JPH3: variants seen among roughly 807,000 people sequenced by gnomAD.
The protein encoded by JPH3 is junctophilin-3.
In JPH3, 11 loss-of-function variants were observed where a neutral mutation model predicts 59.6. The ratio of observed to expected loss-of-function variants is 0.18; its 90% CI spans 0.12 to 0.31. JPH3 has a LOEUF of 0.31. Ranked by LOEUF, JPH3 falls within the 10% of genes least tolerant of loss-of-function variation. The pLI, the probability that JPH3 is intolerant of heterozygous loss-of-function variation, is 1.00. For missense variants in JPH3, 1,202 were observed against 1,105.7 expected, an observed-to-expected ratio of 1.09 and a Z score of -1.24; for synonymous variants, 673 against 483.6, an observed-to-expected ratio of 1.39 and a Z score of -5.14.
At chr16:87,657,756 A>T (rs1450165624) in intron 2 of JPH3, among the ~76,000 whole-genome samples, 1 of 151,574 alleles carries the variant, frequency 6.6e-6, no homozygotes, top group South Asian at 2.1e-4. Flanking sequence ...TCCTTTAAGG[A>T]TGCAACCTGG....
intron 4 of JPH3, chr16:87,695,176 C>T (rs1042723705): frequency 1.3e-5 from 5 of 374,642 alleles, no homozygotes; most frequent in East Asian, 7.3e-5. Context: ...GGGGGAGGCC[C>T]GTTGTTCGGG....
rs115597240 is a variant in JPH3 at position 87,609,689 on chromosome 16, G to A, written c.382+6161G>A. ...GGTCATAGGTGCACAGCCGAAGGCA[G>A]GCAGAGGAATGATTTGTCTGTACCA... On this transcript the variant is annotated intron_variant, in intron 1 of 4. Coordinates refer to ENST00000284262, the MANE Select transcript of JPH3 (RefSeq NM_020655.4). Among the ~76,000 whole-genome samples the A allele has an allele frequency of 4.0e-3, 611 of 152,296 alleles. 1 individual carries two copies. The highest frequency in any genetic ancestry group is 0.014 in the African/African-American group (584 of 41,560).
intron 1 of JPH3, among the ~76,000 whole-genome samples, chr16:87,622,726 C>T (rs1201789541): frequency 7.1e-6 from 1 of 141,376 alleles, no homozygotes; most frequent in African/African-American, 2.6e-5. Context: ...GGGTCTCCTC[C>T]TGATAAATCA....
At chr16:87,612,814 T>G (rs2030779261) in intron 1 of JPH3, among the ~76,000 whole-genome samples, 1 of 151,932 alleles carries the variant, frequency 6.6e-6, no homozygotes, top group African/African-American at 2.4e-5. Flanking sequence ...GTCAGGAGAT[T>G]GAGACCATCC....
At chr16:87,646,591 T>C (rs766797086) in intron 2 of JPH3, among the ~76,000 whole-genome samples, 5 of 152,374 alleles carry the variant, frequency 3.3e-5, no homozygotes, top group African/African-American at 9.6e-5. Context: ...TCTGGTCTGA[T>C]GGATCGGCCG....
chr16:87,678,817 C>T (rs1374456811), intron 2 of JPH3, among the ~76,000 whole-genome samples: 3 of 152,142 alleles, frequency 2.0e-5, no homozygotes, highest in African/African-American at 4.8e-5. Context: ...GGGCAGAGGC[C>T]GAGAGGCGGG....
chr16:87,661,172 C>T (rs1315284637), intron 2 of JPH3, among the ~76,000 whole-genome samples: 1 of 152,204 alleles, frequency 6.6e-6, no homozygotes, highest in Middle Eastern at 3.2e-3. Context: ...ACCTTCAGAG[C>T]CAGCGGGGCA....
At chr16:87,674,253 G>C (rs960222047) in intron 2 of JPH3, among the ~76,000 whole-genome samples, 9 of 152,098 alleles carry the variant, frequency 5.9e-5, no homozygotes, top group African/African-American at 2.2e-4. Context: ...AGAATGGCGT[G>C]AACCCGGGAG....
intron 1 of JPH3, among the ~76,000 whole-genome samples, chr16:87,639,476 C>A (rs1010897701): frequency 6.6e-6 from 1 of 152,216 alleles, no homozygotes; most frequent in Admixed American, 6.5e-5. Flanking sequence ...GTCATCTTCA[C>A]GTGTGCCGTT....
At chr16:87,615,998 G>A (rs1030141517) in intron 1 of JPH3, among the ~76,000 whole-genome samples, 4 of 152,154 alleles carry the variant, frequency 2.6e-5, no homozygotes, top group Non-Finnish European at 4.4e-5. Flanking sequence ...GGAGGGAGAC[G>A]GTGCGTGCAG....
At chr16:87,636,724 C>T (rs936760502) in intron 1 of JPH3, among the ~76,000 whole-genome samples, 6 of 152,238 alleles carry the variant, frequency 3.9e-5, no homozygotes, top group African/African-American at 9.6e-5. Flanking sequence ...AATCCAACAC[C>T]GTGCAGTTGC....
chr16:87,660,236 A>G (rs2032658111), intron 2 of JPH3, among the ~76,000 whole-genome samples: 1 of 152,152 alleles, frequency 6.6e-6, no homozygotes, highest in Non-Finnish European at 1.5e-5. Flanking sequence ...TCCCTCTGAG[A>G]AAGACTCTCC....
intron 1 of JPH3, among the ~76,000 whole-genome samples, chr16:87,613,977 T>A (rs1040714133): frequency 3.3e-5 from 5 of 152,172 alleles, no homozygotes; most frequent in Non-Finnish European, 2.9e-5. Flanking sequence ...CCGAGATGCC[T>A]TTCTTGATGG....
intron 1 of JPH3, among the ~76,000 whole-genome samples, chr16:87,614,131 G>A (rs1219611332): frequency 2.6e-5 from 4 of 152,238 alleles, no homozygotes; most frequent in Admixed American, 6.5e-5. Flanking sequence ...GACTGCCAGC[G>A]TGGTGTGGAC....
chr16:87,667,113 G>A (rs1014604971), intron 2 of JPH3, among the ~76,000 whole-genome samples: 7 of 152,226 alleles, frequency 4.6e-5, no homozygotes, highest in South Asian at 2.1e-4. Flanking sequence ...GGGGGCTGCC[G>A]GCCTCCCTGG....
intron 2 of JPH3, among the ~76,000 whole-genome samples, chr16:87,663,616 T>C (rs2150861289): frequency 6.6e-6 from 1 of 152,246 alleles, no homozygotes; most frequent in Middle Eastern, 3.4e-3. Flanking sequence ...TGTGTTCACA[T>C]AGGAACACAT....
rs2033153862 is a variant in JPH3, at chr16:87,676,889, A to C, written c.1161-7253A>C. Among the ~76,000 whole-genome samples the C allele has an allele frequency of 1.3e-5, 2 of 151,142 alleles. 1 individual carries two copies. Among genetic ancestry groups the C allele is most frequent in the South Asian group, 4.2e-4 (2 of 4,792 alleles). On this transcript the variant is annotated intron_variant, in intron 2 of 4. Transcript: ENST00000284262. ...CGTCTCTACTAAAAATACAAAAATT[A>C]GGCCAGGCGCGGTGGCGCACGCCTG...
At chr16:87,654,066 G>C (rs1220674169) in intron 2 of JPH3, 1 of 152,312 alleles carries the variant, frequency 6.6e-6, no homozygotes, top group Non-Finnish European at 1.5e-5. Flanking sequence ...GGCCCTCATG[G>C]AGTTCTGGCC....
At chr16:87,612,566 C>A (rs1027819918) in intron 1 of JPH3, among the ~76,000 whole-genome samples, 3 of 152,130 alleles carry the variant, frequency 2.0e-5, no homozygotes, top group Non-Finnish European at 4.4e-5. Flanking sequence ...CTGACCCATG[C>A]CGGGGTCCAT....
Sources: allele counts gnomAD v4.1 joint callset (sites outside exome capture counted in the v4.1 genomes callset), GRCh38; gene constraint gnomAD v4.1.1; transcripts MANE v1.5; gene names NCBI Gene and HGNC (gene_info 2026-07-23, HGNC 2026-07-21).